The following ATRN variants were observed in gnomAD, a reference collection of about 807,000 sequenced individuals.
ATRN encodes the protein attractin-2.
A neutral mutation model predicts 178.7 loss-of-function variants in ATRN; 54 were observed. That is an observed-to-expected ratio of 0.30 (90% CI 0.24 to 0.38). The LOEUF (loss-of-function observed/expected upper bound fraction) is 0.38. Ranked by LOEUF, ATRN falls within the 10% of genes least tolerant of loss-of-function variation. The pLI, the probability that ATRN is intolerant of heterozygous loss-of-function variation, is 1.00. For missense variants in ATRN, 1,443 were observed against 1,815.1 expected (o/e 0.79, Z 3.73); for synonymous variants, 636 against 663.0 (o/e 0.96, Z 0.63).
At chr20:3,610,742 CTTTTTTTTTTT>C (rs71195847) in intron 24 of ATRN, among the ~76,000 whole-genome samples, 9 of 65,272 alleles carry the variant, frequency 1.4e-4, no homozygotes, top group East Asian at 4.7e-4. Context: ...CTGGCTAATT[CTTTTTTTTTTT>C]TTTTTTTTTT....
At position 3,567,075 on chromosome 20, in the gene ATRN, A is replaced by G. The variant is rs951980366; in HGVS notation, c.1871+1643A>G. On this transcript the variant is annotated intron_variant, in intron 11 of 28. Transcript: ENST00000262919. ...TATGGTTTTACTATGAGAACATTTG[A>G]CAGCTAGAGACTAAAATGGAAGGAT... Among the ~76,000 whole-genome samples the G allele has an allele frequency of 2.0e-5, 3 of 152,310 alleles. No individual in the cohort carries two copies. The South Asian group carries it at 6.2e-4, about 32-fold the overall frequency.
chr20:3,617,504 T>G (rs2086859916), intron 24 of ATRN, among the ~76,000 whole-genome samples: 1 of 152,098 alleles, frequency 6.6e-6, no homozygotes, highest in Non-Finnish European at 1.5e-5. Context: ...TTCTACTTTT[T>G]AAAAAGCTTA....
intron 26 of ATRN, 112 bp downstream of exon 26, chr20:3,634,501 T>C (rs565353384): frequency 4.4e-4 from 390 of 896,248 alleles, no homozygotes; most frequent in Admixed American, 2.1e-3. Flanking sequence ...GACAGACATC[T>C]CCACGGAAGG....
chr20:3,554,917 A>G (rs1437541105), intron 6 of ATRN, among the ~76,000 whole-genome samples: 2 of 151,686 alleles, frequency 1.3e-5, no homozygotes, highest in East Asian at 3.9e-4. Flanking sequence ...AGTCAACCAA[A>G]TAAGCAAAGT....
At chr20:3,530,719 A>G (rs985972746) in intron 1 of ATRN, among the ~76,000 whole-genome samples, 2 of 152,090 alleles carry the variant, frequency 1.3e-5, no homozygotes, top group Non-Finnish European at 2.9e-5. Context: ...TCTTTTTTTA[A>G]TGTCCAAGGA....
intron 24 of ATRN, among the ~76,000 whole-genome samples, chr20:3,610,414 T>G (rs1428216079): frequency 6.6e-6 from 1 of 151,996 alleles, no homozygotes; most frequent in Non-Finnish European, 1.5e-5. Flanking sequence ...TCCAACTGAT[T>G]AGGATTTGAT....
intron 1 of ATRN, among the ~76,000 whole-genome samples, chr20:3,499,930 A>C (rs1436493203): frequency 6.6e-6 from 1 of 151,558 alleles, no homozygotes; most frequent in South Asian, 2.1e-4. Context: ...TTTGCAACCT[A>C]CTCATCTGAC....
intron 1 of ATRN, among the ~76,000 whole-genome samples, chr20:3,530,050 A>G (rs2085429874): frequency 1.3e-5 from 2 of 151,658 alleles, no homozygotes; most frequent in African/African-American, 4.8e-5. Context: ...TTATAATAAT[A>G]TTAGACAAGG....
rs2146321818 is a variant in ATRN at position 3,632,964 on chromosome 20, CACTAAAAATACAAAAATT to C, written c.3864-1345_3864-1328del. On this transcript the variant is annotated intron_variant, in intron 25 of 28. Coordinates refer to ENST00000262919, the MANE Select transcript of ATRN (RefSeq NM_139321.3). This position sits in a 1 kb window ranked among gnomAD's most constrained non-coding sequence, Gnocchi z 4.2. The stretch of plus-strand genomic sequence containing the variant: ...GGCCAACGTGGTGAAACCTCGTCTC[CACTAAAAATACAAAAATT>C]AGCTGGGTGTGATGGCGCACACCTG... Among the ~76,000 whole-genome samples the C allele has an allele frequency of 6.6e-6, 1 of 152,206 alleles. No homozygotes were observed. The highest frequency in any genetic ancestry group is 2.1e-4 in the South Asian group (1 of 4,824).
chr20:3,505,182 A>G (rs116435819), intron 1 of ATRN, among the ~76,000 whole-genome samples: 2,028 of 152,260 alleles, frequency 0.013, 46 homozygotes, highest in African/African-American at 0.046. Context: ...CCACCATCCA[A>G]TTGTTTGAGG....
intron 1 of ATRN, among the ~76,000 whole-genome samples, chr20:3,510,478 C>T (rs894160620): frequency 4.6e-5 from 7 of 152,220 alleles, no homozygotes; most frequent in Non-Finnish European, 7.4e-5. Flanking sequence ...TGTAGTTTGC[C>T]GGTCCCTGAT....
intron 1 of ATRN, among the ~76,000 whole-genome samples, chr20:3,491,633 T>C (rs2084795417): frequency 3.3e-5 from 5 of 152,224 alleles, no homozygotes; most frequent in Admixed American, 3.3e-4. Context: ...CATTGAACTT[T>C]TGATTTTTAT....
chr20:3,575,434 G>A (rs564721828), intron 12 of ATRN, among the ~76,000 whole-genome samples: 4 of 152,220 alleles, frequency 2.6e-5, no homozygotes, highest in South Asian at 2.1e-4. Flanking sequence ...TTAGCCTTGC[G>A]TTTATAACTA....
chr20:3,594,419 C>G (rs1243356455), intron 19 of ATRN, 60 bp from the exon 20 acceptor site: 3 of 1,425,146 alleles, frequency 2.1e-6, no homozygotes, highest in Non-Finnish European at 2.9e-6. Flanking sequence ...TGGAAAAAGT[C>G]TCCAATAGTC....
intron 1 of ATRN, among the ~76,000 whole-genome samples, chr20:3,530,515 G>A (rs192360724): frequency 2.2e-4 from 33 of 150,298 alleles, no homozygotes; most frequent in South Asian, 4.2e-4. Flanking sequence ...TCCCGACCTC[G>A]TGATCCACCC....
chr20:3,643,555 G>C (rs1226537757), intron 27 of ATRN, among the ~76,000 whole-genome samples: 1 of 151,804 alleles, frequency 6.6e-6, no homozygotes, highest in Admixed American at 6.6e-5. Flanking sequence ...TAATATAGGG[G>C]ACAAATCTCA....
chr20:3,603,004 A>G (rs1435172530), intron 23 of ATRN, among the ~76,000 whole-genome samples: 1 of 141,442 alleles, frequency 7.1e-6, no homozygotes, highest in Non-Finnish European at 1.5e-5. Flanking sequence ...AAGATTTGCC[A>G]TGAGTGTCTC....
At position 3,560,929 on chromosome 20, in the gene ATRN, T is replaced by C. The variant is rs1464956056; in HGVS notation, c.1447+24T>C. 3 of 1,610,006 alleles carry C rather than the reference T, an allele frequency of 1.9e-6. No homozygotes were observed. The African/African-American group carries it at 4.0e-5, about 22-fold the overall frequency. On this transcript the variant is annotated intron_variant, in intron 8 of 28. Coordinates refer to ENST00000262919, the MANE Select transcript of ATRN (RefSeq NM_139321.3). ...GGGTAGGTATATTTTTTCCAGTAGA[T>C]GCCTTTTGAACATCAGATTTAAAAC...
Position 3,474,142 on chromosome 20 carries a change from A to G in ATRN, c.410+2625A>G, listed in dbSNP as rs116451569. On this transcript the variant is annotated intron_variant, in intron 1 of 28. Transcript: ENST00000262919. ...CAGGGAGCTCTCTCTGAGAGTCCAC[A>G]TGGAAAGCCCAGAGGATTGGATAAG... 3.0e-3 allele frequency among the ~76,000 whole-genome samples: 452 copies of G among 152,302 alleles called. 1 individual carries two copies. Among genetic ancestry groups the G allele is most frequent in the African/African-American group, 0.01 (432 of 41,548 alleles).
Sources: allele counts gnomAD v4.1 joint callset (sites outside exome capture counted in the v4.1 genomes callset), GRCh38; gene constraint gnomAD v4.1.1; non-coding constraint Gnocchi (gnomAD v3.1); transcripts MANE v1.5; gene names NCBI Gene and HGNC (gene_info 2026-07-23, HGNC 2026-07-21).